Variants in COPS3 observed in about 807,000 individuals in gnomAD.
COPS3 encodes COP9 signalosome subunit 3, also known as COP9 signalosome complex subunit 3.
COPS3 carries 10 observed loss-of-function variants against 58.2 expected under a neutral mutation model. That is an observed-to-expected ratio of 0.17 (90% CI 0.11 to 0.29). The LOEUF (loss-of-function observed/expected upper bound fraction) is 0.29. Among genes scored for constraint, COPS3 ranks in the 10% least tolerant of loss-of-function variants. COPS3 has a pLI of 1.00. For missense variants in COPS3, 333 were observed against 510.1 expected (o/e 0.65, Z 3.34); for synonymous variants, 187 against 181.7 (o/e 1.03, Z -0.24).
intron 2 of COPS3, among the ~76,000 whole-genome samples, chr17:17,275,685 TGTAATCCCAGCATTTTGG>T: frequency 6.6e-6 from 1 of 152,258 alleles, no homozygotes; most frequent in Middle Eastern, 3.4e-3. Context: ...GGCTCACGCC[TGTAATCCCAGCATTTTGG>T]GAGGCCAAGG....
chr17:17,256,559 A>G (rs2145203158), intron 8 of COPS3, among the ~76,000 whole-genome samples: 1 of 152,294 alleles, frequency 6.6e-6, no homozygotes, highest in Middle Eastern at 3.4e-3. Context: ...TATTTACAAC[A>G]ATGGCATTTT....
At chr17:17,279,038 C>T (rs1042679414) in intron 1 of COPS3, among the ~76,000 whole-genome samples, 1 of 151,992 alleles carries the variant, frequency 6.6e-6, no homozygotes, top group Non-Finnish European at 1.5e-5. Context: ...CCATGCCTGG[C>T]TAATTTTGCA....
intron 9 of COPS3, among the ~76,000 whole-genome samples, chr17:17,253,202 G>A (rs1249659757): frequency 6.6e-6 from 1 of 152,052 alleles, no homozygotes; most frequent in African/African-American, 2.4e-5. Context: ...CTCCAGCCTG[G>A]GCAACACAGG....
At chr17:17,257,571 G>A (rs573651875) in intron 8 of COPS3, among the ~76,000 whole-genome samples, 19 of 151,744 alleles carry the variant, frequency 1.3e-4, no homozygotes, top group African/African-American at 4.3e-4. Context: ...GCTGAGGCGG[G>A]CGGATCACGA....
chr17:17,267,871 CT>C lies in COPS3; in HGVS notation c.441+13del, dbSNP rs781614996. 5.0e-6 allele frequency: 8 copies of C among 1,612,488 alleles called. No individual in the cohort carries two copies. In the South Asian group the frequency reaches 8.8e-5, roughly 18 times the overall value. On this transcript the variant is annotated intron_variant, in intron 5 of 11. Coordinates refer to ENST00000268717, the MANE Select transcript of COPS3 (RefSeq NM_003653.4). ...CCTCTGACTTGGTGTGAATCACACA[CT>C]TTGGTTGCTTACCTGGCAGAGATCA...
chr17:17,269,125 G>A (rs1245344156), intron 4 of COPS3, among the ~76,000 whole-genome samples: 3 of 151,858 alleles, frequency 2.0e-5, no homozygotes, highest in Non-Finnish European at 4.4e-5. Context: ...AGGAGTTCTA[G>A]AGGCTAGCCT....
intron 6 of COPS3, among the ~76,000 whole-genome samples, chr17:17,263,187 C>T (rs1460921746): frequency 1.3e-5 from 2 of 151,040 alleles, no homozygotes; most frequent in Admixed American, 6.6e-5. Context: ...AGTCACGAGG[C>T]TGAGGCAGGA....
At chr17:17,263,272 A>G (rs1011965624) in intron 6 of COPS3, among the ~76,000 whole-genome samples, 6 of 136,758 alleles carry the variant, frequency 4.4e-5, no homozygotes, top group African/African-American at 1.6e-4. Flanking sequence ...TGGGCGACAG[A>G]GCAAGACTCC....
At chr17:17,272,328 C>T (rs2048370829) in intron 2 of COPS3, among the ~76,000 whole-genome samples, 1 of 151,946 alleles carries the variant, frequency 6.6e-6, no homozygotes, top group East Asian at 1.9e-4. Flanking sequence ...GAGGCTGAGA[C>T]AGGAGAATTG....
At chr17:17,249,942 G>A (rs2047805440) in intron 9 of COPS3, among the ~76,000 whole-genome samples, 1 of 151,966 alleles carries the variant, frequency 6.6e-6, no homozygotes, top group Non-Finnish European at 1.5e-5. Context: ...TTTTTAAAGT[G>A]AGCAATTAAT....
intron 8 of COPS3, 44 bp downstream of exon 8, chr17:17,260,257 C>A (rs1345633835): frequency 5.0e-6 from 8 of 1,591,056 alleles, no homozygotes; most frequent in South Asian, 2.2e-5. Context: ...AACATGGCCC[C>A]CAGGGGGTCA....
intron 6 of COPS3, among the ~76,000 whole-genome samples, chr17:17,263,389 C>T (rs111907949): frequency 0.026 from 3,944 of 151,768 alleles, 183 homozygotes; most frequent in African/African-American, 0.09. Context: ...TTAGTAGAGA[C>T]ATTTTCACCA....
intron 9 of COPS3, among the ~76,000 whole-genome samples, chr17:17,250,026 G>A (rs991878841): frequency 6.6e-6 from 1 of 152,112 alleles, no homozygotes; most frequent in African/African-American, 2.4e-5. Flanking sequence ...CGTCACCCCA[G>A]AAAGAGGCCC....
At chr17:17,274,194 A>G (rs1025646076) in intron 2 of COPS3, among the ~76,000 whole-genome samples, 2 of 152,138 alleles carry the variant, frequency 1.3e-5, no homozygotes, top group African/African-American at 4.8e-5. Flanking sequence ...TTGAATCTAC[A>G]TATTCTTCCA....
chr17:17,260,406 G>A lies in COPS3; in HGVS notation c.831C>T (p.Asn277=). Residue 277 remains asparagine, a synonymous_variant, in exon 8 of 12, where the codon AAC becomes AAT. Coordinates refer to ENST00000268717, the MANE Select transcript of COPS3 (RefSeq NM_003653.4). ...AGGTTTCACTGTGCTTATTCACCAG[G>A]TTTCGGAGTTCTGAGGGGTTGTTGG... is the stretch of plus-strand genomic sequence containing the variant. ...YSTNNPSELR[N]LVNKHSETFT... The A allele has an allele frequency of 1.2e-6, 2 of 1,614,166 alleles. No homozygotes were observed. Among genetic ancestry groups the A allele is most frequent in the Non-Finnish European group, 1.7e-6 (2 of 1,180,032 alleles).
intron 8 of COPS3, among the ~76,000 whole-genome samples, chr17:17,259,253 AGCTGTGAACTATGCATATCTG>A (rs2145209588): frequency 6.6e-6 from 1 of 152,320 alleles, no homozygotes; most frequent in East Asian, 1.9e-4. Context: ...TGTTCTCAGC[AGCTGTGAACTATGCATATCTG>A]GCCAGACTTC....
At chr17:17,266,200 C>T (rs1265118774) in intron 5 of COPS3, among the ~76,000 whole-genome samples, 1 of 152,116 alleles carries the variant, frequency 6.6e-6, no homozygotes, top group African/African-American at 2.4e-5. Flanking sequence ...CCATCGCATA[C>T]TCATATTATA....
At chr17:17,276,185 T>C in intron 1 of COPS3, 21 bp from the exon 2 acceptor site, 31 of 1,612,842 alleles carry the variant, frequency 1.9e-5, no homozygotes, top group Non-Finnish European at 2.5e-5. Flanking sequence ...GGAACAACAC[T>C]ATTGCATTTC....
chr17:17,255,839 A>AAATAAAT (rs2047960726), intron 8 of COPS3, among the ~76,000 whole-genome samples: 8 of 127,392 alleles, frequency 6.3e-5, no homozygotes, highest in African/African-American at 9.1e-5. Flanking sequence ...ACTCCATCTC[A>AAATAAAT]AAATAAATAA....
Sources: gnomAD v4.1 joint callset for allele counts (sites outside exome capture counted in the v4.1 genomes callset) on GRCh38, gnomAD v4.1.1 for gene constraint, MANE v1.5 for transcripts, NCBI Gene and HGNC (gene_info 2026-07-23, HGNC 2026-07-21) for gene names.